Variants in PCDH15 observed in about 807,000 individuals in gnomAD.
PCDH15 encodes the protein protocadherin-15.
PCDH15 carries 129 observed loss-of-function variants against 178.5 expected under a neutral mutation model. The ratio of observed to expected loss-of-function variants is 0.72; its 90% CI spans 0.63 to 0.84. PCDH15 has a LOEUF of 0.84. Ranked by LOEUF, PCDH15 falls within the 40% of genes least tolerant of loss-of-function variation. PCDH15 has a pLI of 0.00. For synonymous variants in PCDH15, 800 were observed against 732.0 expected, an observed-to-expected ratio of 1.09 and a Z score of -1.50; for missense variants, 2,230 against 2,099.9, an observed-to-expected ratio of 1.06 and a Z score of -1.21.
chr10:54,043,538 C>A (rs1810587523), intron 18 of PCDH15, among the ~76,000 whole-genome samples: 1 of 151,938 alleles, frequency 6.6e-6, no homozygotes, highest in Admixed American at 6.6e-5. Context: ...CAGGTATGCA[C>A]CAACATGCCT....
Position 53,802,838 on chromosome 10 carries a change from C to CTAAT in PCDH15, c.*3737_*3740dup, listed in dbSNP as rs1840949981. The CTAAT allele has an allele frequency of 6.6e-6, 1 of 151,856 alleles. No individual in the cohort carries two copies. Among genetic ancestry groups the CTAAT allele is most frequent in the Non-Finnish European group, 1.5e-5 (1 of 67,852 alleles). 9.4% of individuals were successfully genotyped at this position (151,856 alleles called of 1,614,324 possible). On this transcript the variant is annotated 3_prime_UTR_variant, in exon 38 of 38. Transcript: ENST00000644397. The stretch of plus-strand genomic sequence containing the variant: ...AACAATGCATTTTAACTTAAAACTT[C>CTAAT]TAATTCAGATTCTTATACAGTAACA...
At position 54,777,083 on chromosome 10, in the gene PCDH15, A is replaced by G. The variant is rs552719523; in HGVS notation, c.-29+23842T>C. Among the ~76,000 whole-genome samples, 8 of 152,288 alleles carry G rather than the reference A, an allele frequency of 5.3e-5. 1 individual carries two copies. Among genetic ancestry groups the G allele is most frequent in the South Asian group, 2.1e-4 (1 of 4,830 alleles). ...TTCTGGTTGATGCGTTGTGCTTTTT[A>G]AGAGATACCACGAAAGAGGACTTAG... On this transcript the variant is annotated intron_variant, in intron 1 of 37. Transcript: ENST00000644397.
intron 3 of PCDH15, among the ~76,000 whole-genome samples, chr10:54,870,084 T>C (rs911813319): frequency 2.6e-5 from 4 of 152,220 alleles, no homozygotes; most frequent in African/African-American, 9.7e-5. Context: ...TGTTTGTCTA[T>C]TTCATGAGCA....
intron 18 of PCDH15, among the ~76,000 whole-genome samples, chr10:54,036,588 A>G (rs992893663): frequency 6.6e-6 from 1 of 151,928 alleles, no homozygotes; most frequent in Non-Finnish European, 1.5e-5. Context: ...CAGGAAAAAA[A>G]AAAGACTTCT....
chr10:53,945,864 T>C (rs978974031), intron 23 of PCDH15, among the ~76,000 whole-genome samples: 10 of 140,300 alleles, frequency 7.1e-5, no homozygotes, highest in South Asian at 4.4e-4. Flanking sequence ...TATATATATA[T>C]ATATATATAT....
chr10:54,159,557 C>T lies in PCDH15; in HGVS notation c.1591-6264G>A, dbSNP rs376316114. ...TTATTTTGAAATTATGTCTTTCAAC[C>T]GTAAGAACCCTAAATATATAAAATA... On this transcript the variant is annotated intron_variant, in intron 13 of 37. Transcript: ENST00000644397. Among the ~76,000 whole-genome samples the T allele has an allele frequency of 9.9e-5, 15 of 152,186 alleles. No individual in the cohort carries two copies. In the East Asian group the frequency reaches 1.4e-3, roughly 14 times the overall value.
chr10:54,454,559 T>G (rs1453878895), intron 3 of PCDH15, among the ~76,000 whole-genome samples: 1 of 151,694 alleles, frequency 6.6e-6, no homozygotes, highest in Non-Finnish European at 1.5e-5. Flanking sequence ...TCCTCTGAAA[T>G]AATATTTTAA....
At chr10:54,549,430 A>G (rs1341133243) in intron 2 of PCDH15, among the ~76,000 whole-genome samples, 1 of 151,940 alleles carries the variant, frequency 6.6e-6, no homozygotes, top group Non-Finnish European at 1.5e-5. Flanking sequence ...GGTTATTTAA[A>G]AGATAGTTTT....
At chr10:54,315,881 C>G (rs2061227361) in intron 8 of PCDH15, among the ~76,000 whole-genome samples, 1 of 151,876 alleles carries the variant, frequency 6.6e-6, no homozygotes, top group Admixed American at 6.6e-5. Flanking sequence ...TTACTTTTAC[C>G]AGTCCTTTCA....
intron 27 of PCDH15, among the ~76,000 whole-genome samples, chr10:53,862,087 G>A (rs563286046): frequency 6.6e-6 from 1 of 151,088 alleles, no homozygotes; most frequent in South Asian, 2.1e-4. Context: ...TTTTGCTCTT[G>A]TTGCCCAGGC....
chr10:54,923,733 T>C lies in PCDH15; in HGVS notation c.-79-26233A>G, dbSNP rs1258370342. On this transcript the variant is annotated intron_variant, in intron 2 of 5. Transcript: ENST00000458638. ...GCAACAGTGACCTTTAACCAGTTCC[T>C]AAAAAGTTTATCATCTGAGGCCTCA... Among the ~76,000 whole-genome samples, 4 of 138,026 alleles carry C rather than the reference T, an allele frequency of 2.9e-5. 1 individual carries two copies. The highest frequency in any genetic ancestry group is 1.0e-4 in the African/African-American group (4 of 39,942). 90.6% of individuals were successfully genotyped at this position (138,026 alleles called of 152,430 possible).
chr10:54,412,553 C>T (rs952675979), intron 3 of PCDH15, among the ~76,000 whole-genome samples: 16 of 152,210 alleles, frequency 1.1e-4, no homozygotes, highest in African/African-American at 3.6e-4. Context: ...AGTTATTATG[C>T]CTATTAAGGG....
chr10:54,531,284 T>C (rs1324611663), intron 2 of PCDH15, among the ~76,000 whole-genome samples: 1 of 152,184 alleles, frequency 6.6e-6, no homozygotes, highest in Non-Finnish European at 1.5e-5. Flanking sequence ...CCATATCCAA[T>C]TTGTGGTAAA....
chr10:54,285,498 T>C (rs2132833314), intron 8 of PCDH15, among the ~76,000 whole-genome samples: 1 of 152,242 alleles, frequency 6.6e-6, no homozygotes, highest in Non-Finnish European at 1.5e-5. Context: ...ACTAATCTTC[T>C]GGGAAATGCA....
At chr10:53,855,880 A>T (rs1489397912) in intron 28 of PCDH15, among the ~76,000 whole-genome samples, 1 of 139,002 alleles carries the variant, frequency 7.2e-6, no homozygotes, top group Admixed American at 7.2e-5. Flanking sequence ...CCCGGAACTT[A>T]AAAGTTAAAA....
intron 1 of PCDH15, among the ~76,000 whole-genome samples, chr10:55,298,937 C>G (rs1843202427): frequency 6.6e-6 from 1 of 152,080 alleles, no homozygotes. Context: ...CTATAATTTT[C>G]TCATAAGTAT....
intron 3 of PCDH15, among the ~76,000 whole-genome samples, chr10:54,389,347 C>T (rs1950266832): frequency 6.6e-6 from 1 of 152,144 alleles, no homozygotes. Flanking sequence ...TTTTAAACTC[C>T]TCTAAAATAG....
chr10:54,197,021 T>C (rs1372613054), intron 10 of PCDH15, among the ~76,000 whole-genome samples: 1 of 152,160 alleles, frequency 6.6e-6, no homozygotes, highest in Non-Finnish European at 1.5e-5. Context: ...TAATTCGTAA[T>C]TCTATATAAA....
At chr10:54,751,084 A>T (rs1946169278) in intron 1 of PCDH15, among the ~76,000 whole-genome samples, 1 of 152,154 alleles carries the variant, frequency 6.6e-6, no homozygotes, top group African/African-American at 2.4e-5. Context: ...ATAAAGTAGT[A>T]AATTAAGTAC....
Sources: allele counts gnomAD v4.1 joint callset (sites outside exome capture counted in the v4.1 genomes callset), GRCh38; gene constraint gnomAD v4.1.1; transcripts MANE v1.5; gene names NCBI Gene and HGNC (gene_info 2026-07-23, HGNC 2026-07-21).